Variants in B3GALT1 observed in about 807,000 individuals in gnomAD.
B3GALT1 encodes the protein UDP-Gal:betaGlcNAc beta 1,3-galactosyltransferase, polypeptide 1.
B3GALT1 carries 10 observed loss-of-function variants against 23.2 expected under a neutral mutation model. The ratio of observed to expected loss-of-function variants is 0.43; its 90% CI spans 0.27 to 0.73. The LOEUF is 0.73. B3GALT1 is among the 30% of genes least tolerant of loss of function. B3GALT1 has a pLI of 0.21. For missense variants in B3GALT1, 299 were observed against 405.4 expected, an observed-to-expected ratio of 0.74 and a Z score of 2.25; for synonymous variants, 156 against 141.5, an observed-to-expected ratio of 1.10 and a Z score of -0.73.
At chr2:167,727,513 G>A (rs1355593268) in intron 3 of B3GALT1, among the ~76,000 whole-genome samples, 4 of 152,030 alleles carry the variant, frequency 2.6e-5, no homozygotes, top group Admixed American at 1.3e-4. Context: ...TTCATTCCAC[G>A]TGCAAAACCC....
intron 2 of B3GALT1, among the ~76,000 whole-genome samples, chr2:167,628,006 T>C (rs1209071063): frequency 6.6e-6 from 1 of 151,814 alleles, no homozygotes; most frequent in Non-Finnish European, 1.5e-5. Flanking sequence ...AATTCTTTGA[T>C]GAAGTGTCCA....
chr2:167,561,759 G>T lies in B3GALT1; in HGVS notation c.-410+71482G>T, dbSNP rs191163928. 2.2e-4 allele frequency among the ~76,000 whole-genome samples: 34 copies of T among 152,278 alleles called. 1 individual carries two copies. The East Asian group carries it at 6.2e-3, about 28-fold the overall frequency. ...CACTCTCCCAAGACTAAACCAAGAA[G>T]AAGTTGAATCTCTGAATAGACCAAT... is the stretch of plus-strand genomic sequence containing the variant. On this transcript the variant is annotated intron_variant, in intron 2 of 4. Coordinates refer to ENST00000392690, the MANE Select transcript of B3GALT1 (RefSeq NM_020981.4).
chr2:167,479,691 A>C (rs977215665), intron 1 of B3GALT1, among the ~76,000 whole-genome samples: 1 of 152,060 alleles, frequency 6.6e-6, no homozygotes, highest in Non-Finnish European at 1.5e-5. Flanking sequence ...TCAATTCAGG[A>C]TATCCCACCA....
intron 1 of B3GALT1, among the ~76,000 whole-genome samples, chr2:167,303,549 C>T (rs1040547212): frequency 6.6e-6 from 1 of 151,924 alleles, no homozygotes; most frequent in Admixed American, 6.6e-5. Context: ...GAATGGGAAT[C>T]ATCCTGAAGG....
At chr2:167,391,465 T>G (rs980525628) in intron 1 of B3GALT1, among the ~76,000 whole-genome samples, 1 of 152,206 alleles carries the variant, frequency 6.6e-6, no homozygotes, top group Non-Finnish European at 1.5e-5. Context: ...TGAAGAACAC[T>G]TATATGAATC....
chr2:167,703,500 A>ATC (rs1558953689), intron 3 of B3GALT1, among the ~76,000 whole-genome samples: 1 of 151,416 alleles, frequency 6.6e-6, no homozygotes, highest in Non-Finnish European at 1.5e-5. Context: ...AAGGATTAAA[A>ATC]TTAAGGTTAA....
intron 2 of B3GALT1, among the ~76,000 whole-genome samples, chr2:167,545,262 T>C (rs185682638): frequency 7.2e-4 from 110 of 151,936 alleles, no homozygotes; most frequent in South Asian, 2.3e-3. Context: ...GTCTTGATCT[T>C]CTGACCTTGT....
chr2:167,791,449 A>C (rs1385882274), intron 3 of B3GALT1, among the ~76,000 whole-genome samples: 1 of 152,216 alleles, frequency 6.6e-6, no homozygotes, highest in African/African-American at 2.4e-5. Context: ...AATTCAGAAA[A>C]GTGCTTGTAT....
chr2:167,774,504 T>G (rs1472025959), intron 3 of B3GALT1, among the ~76,000 whole-genome samples: 3 of 129,178 alleles, frequency 2.3e-5, no homozygotes, highest in East Asian at 4.5e-4. Context: ...TTTGTTTTTT[T>G]TTTTTTTTTT....
chr2:167,441,392 A>T (rs11891804), intron 1 of B3GALT1, among the ~76,000 whole-genome samples: 3,088 of 152,262 alleles, frequency 0.02, 87 homozygotes, highest in African/African-American at 0.071. Flanking sequence ...GCCCACTGAT[A>T]GCCCACCCTT....
chr2:167,337,888 T>A (rs1018928562), intron 1 of B3GALT1, among the ~76,000 whole-genome samples: 1 of 152,230 alleles, frequency 6.6e-6, no homozygotes, highest in Non-Finnish European at 1.5e-5. Flanking sequence ...TTACTCATAT[T>A]GGAACCAATT....
intron 1 of B3GALT1, among the ~76,000 whole-genome samples, chr2:167,434,386 G>A (rs1698746812): frequency 6.6e-6 from 1 of 151,978 alleles, no homozygotes; most frequent in African/African-American, 2.4e-5. Flanking sequence ...AGTTTAAACA[G>A]TATTGACTCA....
chr2:167,589,900 G>A (rs74866283), intron 2 of B3GALT1, among the ~76,000 whole-genome samples: 230 of 152,236 alleles, frequency 1.5e-3, no homozygotes, highest in African/African-American at 5.4e-3. Flanking sequence ...CATCTCCAGT[G>A]ACTCTAGAGG....
chr2:167,743,486 A>G (rs1002844368), intron 3 of B3GALT1, among the ~76,000 whole-genome samples: 19 of 152,018 alleles, frequency 1.2e-4, no homozygotes, highest in Non-Finnish European at 2.5e-4. Context: ...TTTTAAAAAT[A>G]TATTTGTGTG....
intron 1 of B3GALT1, among the ~76,000 whole-genome samples, chr2:167,346,571 A>G (rs1697223883): frequency 6.6e-6 from 1 of 152,240 alleles, no homozygotes; most frequent in Non-Finnish European, 1.5e-5. Flanking sequence ...TTATTTGTAC[A>G]ATGCCAAGGC....
chr2:167,734,462 G>A (rs1385712199), intron 3 of B3GALT1, among the ~76,000 whole-genome samples: 1 of 152,184 alleles, frequency 6.6e-6, no homozygotes, highest in East Asian at 1.9e-4. Context: ...GTCTGAGTGT[G>A]TGGGAACACA....
At chr2:167,348,116 T>C (rs1697253539) in intron 1 of B3GALT1, among the ~76,000 whole-genome samples, 1 of 152,192 alleles carries the variant, frequency 6.6e-6, no homozygotes, top group Non-Finnish European at 1.5e-5. Context: ...ATAGTGTATA[T>C]AAACCCAAAT....
At chr2:167,465,115 G>T (rs79338840) in intron 1 of B3GALT1, among the ~76,000 whole-genome samples, 3,683 of 152,272 alleles carry the variant, frequency 0.024, 142 homozygotes, top group African/African-American at 0.084. Context: ...ATGTGAAGAG[G>T]AAAGTATTAA....
chr2:167,298,742 A>G (rs142509640), intron 1 of B3GALT1, among the ~76,000 whole-genome samples: 4 of 152,218 alleles, frequency 2.6e-5, no homozygotes, highest in Admixed American at 2.0e-4. Context: ...TGATTGACAG[A>G]TGAACTTCAG....
Sources: gnomAD v4.1 joint callset for allele counts (sites outside exome capture counted in the v4.1 genomes callset) on GRCh38, gnomAD v4.1.1 for gene constraint, MANE v1.5 for transcripts, NCBI Gene and HGNC (gene_info 2026-07-23, HGNC 2026-07-21) for gene names.